RNF43: variants seen among roughly 807,000 people sequenced by gnomAD.
RNF43 encodes E3 ubiquitin-protein ligase RNF43.
RNF43 carries 37 observed loss-of-function variants against 78.4 expected under a neutral mutation model. That is an observed-to-expected ratio of 0.47 (90% CI 0.36 to 0.62). The LOEUF (loss-of-function observed/expected upper bound fraction) is 0.62, where lower values mean the gene tolerates loss of function less well. Ranked by LOEUF, RNF43 falls within the 20% of genes least tolerant of loss-of-function variation. RNF43 has a pLI of 0.00. For missense variants in RNF43, 774 were observed against 1,007.9 expected, an observed-to-expected ratio of 0.77 and a Z score of 3.14; for synonymous variants, 347 against 395.0, an observed-to-expected ratio of 0.88 and a Z score of 1.44.
chr17:58,402,280 C>T (rs1371837219), intron 2 of RNF43, among the ~76,000 whole-genome samples: 2 of 152,160 alleles, frequency 1.3e-5, no homozygotes, highest in East Asian at 3.8e-4. Flanking sequence ...TATTTCTAAC[C>T]ACTACTCTGT....
At position 58,354,380 on chromosome 17, in the gene RNF43, G is replaced by A. The variant is rs1972640753; in HGVS notation, c.*563C>T. On this transcript the variant is annotated 3_prime_UTR_variant, in exon 10 of 10. Coordinates refer to ENST00000407977, the MANE Select transcript of RNF43 (RefSeq NM_017763.6). ...AGGGACCCCTCCTTTTAGTGCTCAG[G>A]GCTCACCTATGCTACTGGTCCTTTT... The A allele has an allele frequency of 4.6e-6, 1 of 219,666 alleles. No individual in the cohort carries two copies. Among genetic ancestry groups the A allele is most frequent in the East Asian group, 6.8e-5 (1 of 14,734 alleles). 13.6% of individuals were successfully genotyped at this position (219,666 alleles called of 1,614,324 possible).
At chr17:58,412,257 T>G (rs1974036555) in intron 2 of RNF43, among the ~76,000 whole-genome samples, 1 of 151,676 alleles carries the variant, frequency 6.6e-6, no homozygotes, top group Admixed American at 6.6e-5. Context: ...GCAAAAAGAG[T>G]TGGAATGATA....
rs973914716 is a variant in RNF43 at position 58,417,278 on chromosome 17, CACTT to C, written c.-651_-648del. Reference sequence around the variant, plus strand: ...TGCTGTCCCCTAGAACTAAATTAAACACTTACAGAAAATCCAAAATCATTTCTGA... The same window carrying C: ...TGCTGTCCCCTAGAACTAAATTAAACACAGAAAATCCAAAATCATTTCTGA... On this transcript the variant is annotated 5_prime_UTR_variant, in exon 1 of 10. An upstream open reading frame in the 5' UTR loses its in-frame stop. Transcript: ENST00000407977. The C allele has an allele frequency of 2.8e-4, 42 of 152,326 alleles. No individual in the cohort carries two copies. The highest frequency in any genetic ancestry group is 7.7e-4 in the African/African-American group (32 of 41,580). 9.4% of individuals were successfully genotyped at this position (152,326 alleles called of 1,614,324 possible). A position where few individuals can be genotyped will look rare whatever the true frequency, so the allele number is the denominator to read the frequency against.
rs111539503 is a variant in RNF43, at chr17:58,357,120, C to G, written c.2308+348G>C. On this transcript the variant is annotated intron_variant, in intron 9 of 9. Coordinates refer to ENST00000407977, the MANE Select transcript of RNF43 (RefSeq NM_017763.6). This position sits in a 1 kb window ranked among gnomAD's most constrained non-coding sequence, Gnocchi z 4.5. ...TGTTGGCCAGGTTGGTCTTGAACTCCTGGCCTCAAGGGATCCACCCACCTA... is the reference window on the plus strand; with the variant it reads ...TGTTGGCCAGGTTGGTCTTGAACTCGTGGCCTCAAGGGATCCACCCACCTA... 0.11 allele frequency: 71,176 copies of G among 673,012 alleles called. 4,282 individuals are homozygous for G. The highest frequency in any genetic ancestry group is 0.16 in the Middle Eastern group (424 of 2,626). The allele number at this position is 673,012 out of a possible 1,614,324, so 41.7% of individuals were successfully genotyped here.
intron 8 of RNF43, among the ~76,000 whole-genome samples, chr17:58,359,535 C>T (rs945008810): frequency 1.7e-4 from 25 of 151,076 alleles, no homozygotes; most frequent in Admixed American, 5.9e-4. Context: ...ACCTGGGAGG[C>T]GGAGCTTGCA....
In RNF43 at chr17:58,358,521, T is replaced by G. The variant is rs2143418347; in HGVS notation, c.1255A>C (p.Ser419Arg). The change falls in exon 9 of 10, where the codon AGC becomes CGC. Residue 419 changes from serine (S) to arginine (R), a missense_variant. Transcript: ENST00000407977. This position sits in a 1 kb window ranked among gnomAD's most constrained non-coding sequence, Gnocchi z 6.2. ...QHPYAQGWGL[S>R]HLQSTSQHPA... ...TGCTGTGAGGTGGATTGGAGGTGGC[T>G]CAGTCCCCAGCCTTGTGCATAGGGG... 1 of 1,613,536 alleles carries G rather than the reference T, an allele frequency of 6.2e-7. No individual in the cohort carries two copies. The highest frequency in any genetic ancestry group is 8.5e-7 in the Non-Finnish European group (1 of 1,179,710).
intron 2 of RNF43, among the ~76,000 whole-genome samples, chr17:58,399,224 G>A (rs1973744488): frequency 6.6e-6 from 1 of 152,196 alleles, no homozygotes; most frequent in Non-Finnish European, 1.5e-5. Context: ...CTTATTTTGG[G>A]AAGAGACTTC....
chr17:58,388,710 A>G (rs1384815793), intron 2 of RNF43, among the ~76,000 whole-genome samples: 1 of 152,116 alleles, frequency 6.6e-6, no homozygotes, highest in Non-Finnish European at 1.5e-5. Context: ...TGTCAAGGAG[A>G]TGGATCTTAA....
At chr17:58,405,495 T>C (rs1266756822) in intron 2 of RNF43, among the ~76,000 whole-genome samples, 1 of 152,032 alleles carries the variant, frequency 6.6e-6, no homozygotes, top group Non-Finnish European at 1.5e-5. Context: ...CCACAGTCAT[T>C]TGAATGACTC....
chr17:58,368,865 C>T (rs981132052), intron 3 of RNF43, among the ~76,000 whole-genome samples: 1 of 152,104 alleles, frequency 6.6e-6, no homozygotes, highest in Admixed American at 6.5e-5. Flanking sequence ...GAGGTAAGCC[C>T]GTGGAACCTC....
intron 5 of RNF43, 148 bp from the exon 6 acceptor site, chr17:58,362,796 G>C (rs1972866150): frequency 1.8e-6 from 1 of 570,968 alleles, no homozygotes; most frequent in East Asian, 3.2e-5. Flanking sequence ...ACCTGCAAGT[G>C]GGATTAGGTG....
At chr17:58,407,535 T>C (rs1973938775) in intron 2 of RNF43, among the ~76,000 whole-genome samples, 1 of 152,210 alleles carries the variant, frequency 6.6e-6, no homozygotes, top group African/African-American at 2.4e-5. Context: ...CAGATTCCAA[T>C]ATATTAAAAA....
intron 9 of RNF43, among the ~76,000 whole-genome samples, chr17:58,356,516 T>A (rs934869992): frequency 6.6e-6 from 1 of 152,202 alleles, no homozygotes; most frequent in African/African-American, 2.4e-5. Context: ...GCTTATGATA[T>A]AGGGATGCAC....
At position 58,417,292 on chromosome 17, in the gene RNF43, C is replaced by G. The variant is rs1421095276; in HGVS notation, c.-661G>C. 1 of 152,200 alleles carries G rather than the reference C, an allele frequency of 6.6e-6. No individual in the cohort carries two copies. The highest frequency in any genetic ancestry group is 1.5e-5 in the Non-Finnish European group (1 of 68,036). 9.4% of individuals were successfully genotyped at this position (152,200 alleles called of 1,614,324 possible). On this transcript the variant is annotated 5_prime_UTR_variant, in exon 1 of 10. Transcript: ENST00000407977. ...ACTAAATTAAACACTTACAGAAAATCCAAAATCATTTCTGAAACCTCCTTG... is the reference window on the plus strand; with the variant it reads ...ACTAAATTAAACACTTACAGAAAATGCAAAATCATTTCTGAAACCTCCTTG...
chr17:58,373,600 G>A (rs1973146168), intron 2 of RNF43, among the ~76,000 whole-genome samples: 1 of 152,150 alleles, frequency 6.6e-6, no homozygotes, highest in African/African-American at 2.4e-5. Context: ...GGCATGCAAT[G>A]TGTAATAATC....
intron 5 of RNF43, 46 bp from the exon 6 acceptor site, chr17:58,362,694 C>G (rs1567876477): frequency 6.7e-7 from 1 of 1,483,964 alleles, no homozygotes; most frequent in Non-Finnish European, 9.2e-7. Flanking sequence ...CCGGGATGAG[C>G]TGGGTCAATT....
chr17:58,373,591 G>A (rs1973145844), intron 2 of RNF43, among the ~76,000 whole-genome samples: 1 of 152,080 alleles, frequency 6.6e-6, no homozygotes, highest in Non-Finnish European at 1.5e-5. Flanking sequence ...TTTGATATAG[G>A]CATGCAATGT....
At chr17:58,381,072 T>G (rs1224412317) in intron 2 of RNF43, among the ~76,000 whole-genome samples, 1 of 152,196 alleles carries the variant, frequency 6.6e-6, no homozygotes, top group East Asian at 1.9e-4. Context: ...CACACAATAT[T>G]GTATTTACAT....
intron 2 of RNF43, among the ~76,000 whole-genome samples, chr17:58,376,063 T>C (rs1973198694): frequency 6.6e-6 from 1 of 152,160 alleles, no homozygotes; most frequent in African/African-American, 2.4e-5. Flanking sequence ...CCTGGAGCCA[T>C]GCTGAGTAGT....
Sources: gnomAD v4.1 joint callset for allele counts (sites outside exome capture counted in the v4.1 genomes callset) on GRCh38, gnomAD v4.1.1 for gene constraint, Gnocchi (gnomAD v3.1) non-coding constraint, MANE v1.5 for transcripts, NCBI Gene and HGNC (gene_info 2026-07-23, HGNC 2026-07-21) for gene names.